The following TRHDE variants were observed in gnomAD, a reference collection of about 807,000 sequenced individuals.
TRHDE encodes the protein thyrotropin-releasing hormone-degrading ectoenzyme.
A neutral mutation model predicts 125.7 loss-of-function variants in TRHDE; 72 were observed. The ratio of observed to expected loss-of-function variants is 0.57; its 90% CI spans 0.47 to 0.70. The LOEUF (loss-of-function observed/expected upper bound fraction) is 0.70, where lower values mean the gene tolerates loss of function less well. Among genes scored for constraint, TRHDE ranks in the 30% least tolerant of loss-of-function variants. TRHDE has a pLI of 0.00. For missense variants in TRHDE, 1,110 were observed against 1,327.1 expected, an observed-to-expected ratio of 0.84 and a Z score of 2.54; for synonymous variants, 509 against 509.1, an observed-to-expected ratio of 1.00 and a Z score of 0.00.
At chr12:72,249,529 A>C (rs1006970764) in intron 2 of TRHDE, among the ~76,000 whole-genome samples, 1 of 152,198 alleles carries the variant, frequency 6.6e-6, no homozygotes. Flanking sequence ...AAAAATAAAA[A>C]GACATATGGA....
At chr12:72,605,070 C>T (rs897271092) in intron 12 of TRHDE, among the ~76,000 whole-genome samples, 1 of 152,118 alleles carries the variant, frequency 6.6e-6, no homozygotes, top group Admixed American at 6.5e-5. Flanking sequence ...TTTTGTGACA[C>T]TGGAAGTTGC....
chr12:72,452,269 A>G (rs940396545), intron 3 of TRHDE, among the ~76,000 whole-genome samples: 8 of 152,084 alleles, frequency 5.3e-5, no homozygotes, highest in African/African-American at 1.9e-4. Context: ...TAGAAACACT[A>G]CTGATTTCTG....
intron 3 of TRHDE, among the ~76,000 whole-genome samples, chr12:72,433,301 C>T (rs968061417): frequency 1.3e-5 from 2 of 152,074 alleles, no homozygotes; most frequent in African/African-American, 2.4e-5. Flanking sequence ...CAGAGTAATA[C>T]AGCCTTCATA....
chr12:72,591,319 G>C (rs1261040724), intron 12 of TRHDE, among the ~76,000 whole-genome samples: 1 of 152,024 alleles, frequency 6.6e-6, no homozygotes, highest in African/African-American at 2.4e-5. Flanking sequence ...TAATTTTTCT[G>C]CATTACTCTA....
chr12:72,328,124 A>G (rs1254517344), intron 2 of TRHDE, among the ~76,000 whole-genome samples: 3 of 152,180 alleles, frequency 2.0e-5, no homozygotes, highest in Non-Finnish European at 4.4e-5. Flanking sequence ...TCAAAGCCAA[A>G]ATATTCAAAT....
At chr12:72,399,865 C>A (rs945057902) in intron 3 of TRHDE, among the ~76,000 whole-genome samples, 4 of 151,838 alleles carry the variant, frequency 2.6e-5, no homozygotes, top group African/African-American at 7.3e-5. Context: ...TTCTTTATTG[C>A]CTCTGTATCT....
chr12:72,270,319 C>A (rs1317852948), upstream of TRHDE, among the ~76,000 whole-genome samples: 2 of 151,292 alleles, frequency 1.3e-5, no homozygotes, highest in African/African-American at 4.8e-5. Flanking sequence ...TTATTTTCAT[C>A]ATCATTTAAA....
intron 2 of TRHDE, among the ~76,000 whole-genome samples, chr12:72,115,207 C>G (rs1466298909): frequency 6.6e-6 from 1 of 150,626 alleles, no homozygotes; most frequent in Non-Finnish European, 1.5e-5. Context: ...TTTTGTAACC[C>G]TTACCATTCC....
chr12:72,506,722 G>A (rs1878370712), intron 6 of TRHDE, among the ~76,000 whole-genome samples: 1 of 152,094 alleles, frequency 6.6e-6, no homozygotes, highest in Non-Finnish European at 1.5e-5. Flanking sequence ...TCAGTGGATG[G>A]CAACTCCAAG....
intron 10 of TRHDE, among the ~76,000 whole-genome samples, chr12:72,570,014 G>A (rs971053255): frequency 2.0e-5 from 3 of 152,114 alleles, no homozygotes; most frequent in Non-Finnish European, 2.9e-5. Context: ...AGAAGTCATC[G>A]CTCTATAGGA....
At chr12:72,356,634 A>T (rs533060698) in intron 2 of TRHDE, among the ~76,000 whole-genome samples, 2 of 151,664 alleles carry the variant, frequency 1.3e-5, no homozygotes, top group African/African-American at 4.8e-5. Flanking sequence ...ACAGCAATCT[A>T]TGTGAAAGAT....
At chr12:72,529,885 AAATC>A (rs1228334845) in intron 6 of TRHDE, among the ~76,000 whole-genome samples, 1 of 152,170 alleles carries the variant, frequency 6.6e-6, no homozygotes, top group Non-Finnish European at 1.5e-5. Context: ...AGCAATAAAC[AAATC>A]AATGTTCTTA....
intron 2 of TRHDE, among the ~76,000 whole-genome samples, chr12:72,364,353 T>A (rs1405241222): frequency 2.0e-5 from 3 of 152,078 alleles, no homozygotes; most frequent in East Asian, 3.9e-4. Flanking sequence ...TTTCCTCGAA[T>A]AATACCTTCT....
chr12:72,296,008 A>G (rs940566370), intron 2 of TRHDE, among the ~76,000 whole-genome samples: 7 of 152,306 alleles, frequency 4.6e-5, no homozygotes, highest in African/African-American at 1.7e-4. Flanking sequence ...AAAACTTTTT[A>G]CACTCATCTC....
Position 72,469,901 on chromosome 12 carries a change from A to T in TRHDE, c.1459A>T (p.Ile487Leu), listed in dbSNP as rs1304901610. 4 of 1,613,846 alleles carry T rather than the reference A, an allele frequency of 2.5e-6. No individual in the cohort carries two copies. The highest frequency in any genetic ancestry group is 1.3e-5 in the African/African-American group (1 of 74,924). The change falls in exon 4 of 19, where the codon ATA becomes TTA. Residue 487 changes from isoleucine to leucine, a missense_variant. Ile to Leu is a conservative substitution (Grantham distance 5, BLOSUM62 2). Coordinates refer to ENST00000261180, the MANE Select transcript of TRHDE (RefSeq NM_013381.3). Reference sequence around the variant, plus strand: ...TGTCACCATGGTCATTGTTCATGAGATATGTCACCAGGTATGAGAAAAAGA... The same window carrying T: ...TGTCACCATGGTCATTGTTCATGAGTTATGTCACCAGGTATGAGAAAAAGA... ...LDVTMVIVHEICHQWFGDLVT... is the reference protein window; with the variant it reads ...LDVTMVIVHELCHQWFGDLVT...
intron 2 of TRHDE, among the ~76,000 whole-genome samples, chr12:72,144,136 C>G (rs967200224): frequency 6.6e-6 from 1 of 152,134 alleles, no homozygotes; most frequent in South Asian, 2.1e-4. Context: ...AATGATAGCT[C>G]AATCAGGAGA....
At chr12:72,436,977 T>G (rs1349559818) in intron 3 of TRHDE, among the ~76,000 whole-genome samples, 1 of 151,844 alleles carries the variant, frequency 6.6e-6, no homozygotes, top group Non-Finnish European at 1.5e-5. Flanking sequence ...GTATTTATAT[T>G]TTCAGTTTAT....
Position 72,652,329 on chromosome 12 carries a change from C to G in TRHDE, c.2683C>G (p.Leu895Val). Residue 895 changes from leucine to valine, a missense_variant, in exon 16 of 19, where the codon CTA becomes GTA. Coordinates refer to ENST00000261180, the MANE Select transcript of TRHDE (RefSeq NM_013381.3). ...WISSNRNRIP[L>V]NVRDIVYCTG... ...CATGGGTTGCTTCTTTAGAATACCA[C>G]TAAATGTTAGAGACATCGTATACTG... The G allele has an allele frequency of 6.9e-7, 1 of 1,449,364 alleles. No homozygotes were observed. Among genetic ancestry groups the G allele is most frequent in the Non-Finnish European group, 9.1e-7 (1 of 1,094,162 alleles). The allele number at this position is 1,449,364 out of a possible 1,614,324, so 89.8% of individuals were successfully genotyped here.
Position 72,462,672 on chromosome 12 carries a change from G to C in TRHDE, c.1316-7086G>C, listed in dbSNP as rs376873633. 5.3e-5 allele frequency among the ~76,000 whole-genome samples: 8 copies of C among 152,086 alleles called. No individual in the cohort carries two copies. The South Asian group carries it at 6.2e-4, about 12-fold the overall frequency. On this transcript the variant is annotated intron_variant, in intron 3 of 18. Coordinates refer to ENST00000261180, the MANE Select transcript of TRHDE (RefSeq NM_013381.3). ...CTGTCTTGGATTGGGTTGATGTTTC[G>C]CTTAGATACTAATTTTCTTAAACTT...
Sources: allele counts gnomAD v4.1 joint callset (sites outside exome capture counted in the v4.1 genomes callset), GRCh38; gene constraint gnomAD v4.1.1; transcripts MANE v1.5; gene names NCBI Gene and HGNC (gene_info 2026-07-23, HGNC 2026-07-21).